RAB7B: variants seen among roughly 807,000 people sequenced by gnomAD.
RAB7B encodes RAB7B, member RAS oncogene family.
At chr1:205,986,818 T>C (rs971862967) in intron 4 of RAB7B, among the ~76,000 whole-genome samples, 511 of 152,250 alleles carry the variant, frequency 3.4e-3, no homozygotes, top group African/African-American at 0.011. Context: ...GTCTTTCTCA[T>C]GGAGAAAGGA....
At chr1:205,991,833 C>A (rs1288169784) in intron 4 of RAB7B, among the ~76,000 whole-genome samples, 4 of 152,218 alleles carry the variant, frequency 2.6e-5, no homozygotes, top group South Asian at 4.1e-4. Context: ...CATTAGTAGG[C>A]AAGGATTAGA....
chr1:205,986,532 C>T (rs971895668), intron 4 of RAB7B, among the ~76,000 whole-genome samples: 4 of 152,196 alleles, frequency 2.6e-5, no homozygotes, highest in Non-Finnish European at 4.4e-5. Context: ...TGTCTCCCTT[C>T]GGGAGCTCAG....
At chr1:205,999,328 C>T (rs1660855480) in intron 1 of RAB7B, among the ~76,000 whole-genome samples, 1 of 152,184 alleles carries the variant, frequency 6.6e-6, no homozygotes, top group Non-Finnish European at 1.5e-5. Flanking sequence ...AGAACGTGAA[C>T]AAGTTACCAA....
intron 1 of RAB7B, among the ~76,000 whole-genome samples, chr1:206,001,211 G>A (rs967381008): frequency 1.3e-5 from 2 of 152,098 alleles, no homozygotes; most frequent in African/African-American, 4.8e-5. Context: ...GGAGGCACAC[G>A]CAGATCTCAT....
At chr1:206,001,624 C>T (rs1660893770) in intron 1 of RAB7B, among the ~76,000 whole-genome samples, 1 of 152,196 alleles carries the variant, frequency 6.6e-6, no homozygotes, top group African/African-American at 2.4e-5. Flanking sequence ...GATTGAAATG[C>T]AGGACTCTGC....
chr1:206,002,273 T>C (rs1012881153), intron 1 of RAB7B, among the ~76,000 whole-genome samples: 2 of 152,186 alleles, frequency 1.3e-5, no homozygotes, highest in Admixed American at 6.5e-5. Context: ...CTCTGGGAAG[T>C]GTACCTACAG....
intron 4 of RAB7B, among the ~76,000 whole-genome samples, chr1:205,988,872 G>A (rs1660665707): frequency 6.6e-6 from 1 of 152,114 alleles, no homozygotes; most frequent in African/African-American, 2.4e-5. Flanking sequence ...CCAGGGGCAG[G>A]CAGAGCCCTT....
At chr1:205,989,663 C>T (rs1233415402) in intron 4 of RAB7B, among the ~76,000 whole-genome samples, 2 of 152,112 alleles carry the variant, frequency 1.3e-5, no homozygotes, top group Non-Finnish European at 2.9e-5. Context: ...TCCCCAGCCT[C>T]CGCCACCCCA....
chr1:205,999,358 T>C (rs1660855852), intron 1 of RAB7B, among the ~76,000 whole-genome samples: 1 of 152,238 alleles, frequency 6.6e-6, no homozygotes, highest in African/African-American at 2.4e-5. Context: ...TATAAAGAAT[T>C]AGTAAGCTTT....
At chr1:205,991,282 T>A (rs1660718566) in intron 4 of RAB7B, among the ~76,000 whole-genome samples, 1 of 152,014 alleles carries the variant, frequency 6.6e-6, no homozygotes, top group Non-Finnish European at 1.5e-5. Flanking sequence ...CTGGTCCCAG[T>A]GGGGGAAAAA....
In RAB7B at chr1:206,001,905, G is replaced by T. The variant is rs903468159; in HGVS notation, c.-17+1348C>A. ...CTTCCTTTCTCTCCTTACCCCGCTG[G>T]CTCCAACCTGAAACCAGGTACAATC... is the stretch of plus-strand genomic sequence containing the variant. On this transcript the variant is annotated intron_variant, in intron 1 of 5. Coordinates refer to ENST00000617070, the MANE Select transcript of RAB7B (RefSeq NM_001164522.3). Among the ~76,000 whole-genome samples the T allele has an allele frequency of 3.2e-3, 483 of 152,224 alleles. 5 individuals carry two copies. Among genetic ancestry groups the T allele is most frequent in the African/African-American group, 0.011 (463 of 41,530 alleles).
Position 205,984,962 on chromosome 1 carries a change from T to G in RAB7B, c.522+578A>C, listed in dbSNP as rs1660563810. Among the ~76,000 whole-genome samples the G allele has an allele frequency of 3.3e-5, 5 of 152,160 alleles. No homozygotes were observed. The South Asian group carries it at 1.0e-3, about 32-fold the overall frequency. Reference sequence around the variant, plus strand: ...GAGCCCCTCCTCTAGACCCTACCCCTAAGTCCTGCCCCACCAGACCACACT... The same window carrying G: ...GAGCCCCTCCTCTAGACCCTACCCCGAAGTCCTGCCCCACCAGACCACACT... On this transcript the variant is annotated intron_variant, in intron 5 of 5. Transcript: ENST00000617070.
rs1343860008 is a variant in RAB7B at position 206,003,313 on chromosome 1, C to T, written c.-77G>A. ...GGGCAGCTGGGAGTCCTCTCTCAGT[C>T]TGGTGGTCTCTTCTTAGAGCAGTGG... On this transcript the variant is annotated 5_prime_UTR_variant, in exon 1 of 6. Coordinates refer to ENST00000617070, the MANE Select transcript of RAB7B (RefSeq NM_001164522.3). The T allele has an allele frequency of 2.0e-5, 3 of 152,274 alleles. No individual in the cohort carries two copies. The highest frequency in any genetic ancestry group is 7.2e-5 in the African/African-American group (3 of 41,436). 9.4% of individuals were successfully genotyped at this position (152,274 alleles called of 1,614,324 possible). A position where few individuals can be genotyped will look rare whatever the true frequency, so the allele number is the denominator to read the frequency against.
intron 5 of RAB7B, among the ~76,000 whole-genome samples, chr1:205,984,719 G>A (rs958078344): frequency 2.9e-4 from 44 of 152,264 alleles, no homozygotes; most frequent in Non-Finnish European, 4.4e-4. Context: ...GTGCTTACAT[G>A]AATGTCATTG....
At chr1:205,998,169 C>A (rs1341643488) in intron 1 of RAB7B, among the ~76,000 whole-genome samples, 1 of 152,154 alleles carries the variant, frequency 6.6e-6, no homozygotes, top group Non-Finnish European at 1.5e-5. Context: ...GCCTGGTCAA[C>A]ATGGTGAAAC....
At chr1:205,988,605 C>T (rs927081309) in intron 4 of RAB7B, among the ~76,000 whole-genome samples, 1 of 152,182 alleles carries the variant, frequency 6.6e-6, no homozygotes, top group Admixed American at 6.5e-5. Flanking sequence ...CCAGCTGTCC[C>T]TTGGAGATAA....
intron 3 of RAB7B, among the ~76,000 whole-genome samples, chr1:205,992,977 T>C (rs943195313): frequency 2.6e-5 from 4 of 152,246 alleles, no homozygotes; most frequent in Non-Finnish European, 5.9e-5. Flanking sequence ...CTGACAGATA[T>C]GGAAACTTGG....
rs996812446 is a variant in RAB7B at position 205,984,960 on chromosome 1, C to T, written c.522+580G>A. Reference sequence around the variant, plus strand: ...GTGAGCCCCTCCTCTAGACCCTACCCCTAAGTCCTGCCCCACCAGACCACA... The same window carrying T: ...GTGAGCCCCTCCTCTAGACCCTACCTCTAAGTCCTGCCCCACCAGACCACA... On this transcript the variant is annotated intron_variant, in intron 5 of 5. Coordinates refer to ENST00000617070, the MANE Select transcript of RAB7B (RefSeq NM_001164522.3). 9.1e-3 allele frequency among the ~76,000 whole-genome samples: 1,380 copies of T among 152,270 alleles called. 19 individuals are homozygous for T. Among genetic ancestry groups the T allele is most frequent in the African/African-American group, 0.032 (1,325 of 41,530 alleles).
Position 206,002,183 on chromosome 1 carries a change from G to GCACGAGGCTATGTAGAGAT in RAB7B, c.-17+1069_-17+1070insATCTCTACATAGCCTCGTG, listed in dbSNP as rs1660902891. Among the ~76,000 whole-genome samples the GCACGAGGCTATGTAGAGAT allele has an allele frequency of 2.0e-5, 3 of 152,184 alleles. No homozygotes were observed. In the South Asian group the frequency reaches 6.2e-4, roughly 31 times the overall value. ...TCTGTGAAAAGAGGCTATGTAGAGA[G>GCACGAGGCTATGTAGAGAT]CACAAGGCTTTGTTGCCTCCCAGTA... is the stretch of plus-strand genomic sequence containing the variant. On this transcript the variant is annotated intron_variant, in intron 1 of 5. Coordinates refer to ENST00000617070, the MANE Select transcript of RAB7B (RefSeq NM_001164522.3).
Sources: allele counts gnomAD v4.1 joint callset (sites outside exome capture counted in the v4.1 genomes callset), GRCh38; gene constraint gnomAD v4.1.1; transcripts MANE v1.5; gene names NCBI Gene and HGNC (gene_info 2026-07-23, HGNC 2026-07-21).